GABRB1: variants seen among roughly 807,000 people sequenced by gnomAD.
The protein encoded by GABRB1 is gamma-aminobutyric acid type A receptor subunit beta1, also known as gamma-aminobutyric acid receptor subunit beta-1.
A neutral mutation model predicts 51.6 loss-of-function variants in GABRB1; 17 were observed. The ratio of observed to expected loss-of-function variants is 0.33; its 90% CI spans 0.23 to 0.49. GABRB1 has a LOEUF of 0.49. GABRB1 is among the 20% of genes least tolerant of loss of function. The pLI is 0.99. For synonymous variants in GABRB1, 247 were observed against 218.9 expected, an observed-to-expected ratio of 1.13 and a Z score of -1.14; for missense variants, 410 against 600.6, an observed-to-expected ratio of 0.68 and a Z score of 3.32.
chr4:47,199,911 A>G (rs1422791435), intron 4 of GABRB1, among the ~76,000 whole-genome samples: 1 of 152,178 alleles, frequency 6.6e-6, no homozygotes, highest in African/African-American at 2.4e-5. Context: ...CATGAATTTC[A>G]AGTGAATCAA....
chr4:47,422,837 G>T (rs541435974), intron 8 of GABRB1, among the ~76,000 whole-genome samples: 1 of 152,070 alleles, frequency 6.6e-6, no homozygotes, highest in African/African-American at 2.4e-5. Flanking sequence ...CCATTTCGCC[G>T]ATGACAATAT....
intron 5 of GABRB1, among the ~76,000 whole-genome samples, chr4:47,394,576 G>A (rs941417999): frequency 1.3e-5 from 2 of 152,160 alleles, no homozygotes; most frequent in African/African-American, 4.8e-5. Context: ...AGTCAGACAA[G>A]AAGACAGCTT....
rs570561481 is a variant in GABRB1 at position 47,333,973 on chromosome 4, C to CA, written c.544+13771dup. Among the ~76,000 whole-genome samples the CA allele has an allele frequency of 4.2e-3, 635 of 152,172 alleles. 2 individuals carry two copies. The highest frequency in any genetic ancestry group is 6.5e-3 in the Non-Finnish European group (439 of 67,992). On this transcript the variant is annotated intron_variant, in intron 5 of 8. Transcript: ENST00000295454. ...AGATTATGTGTACCTACAATGTAGA[C>CA]AAAAAAATTTCACTGAATAGAGCCA...
At chr4:47,020,348 C>T (rs186716769) in intron 1 of GABRB1, among the ~76,000 whole-genome samples, 67 of 152,210 alleles carry the variant, frequency 4.4e-4, no homozygotes, top group Admixed American at 1.1e-3. Context: ...TCAATTCATA[C>T]GAATAGTATC....
intron 5 of GABRB1, among the ~76,000 whole-genome samples, chr4:47,362,139 G>A (rs776953546): frequency 6.6e-6 from 1 of 152,132 alleles, no homozygotes; most frequent in South Asian, 2.1e-4. Context: ...GAAGCCACTG[G>A]AGGAAAGTTA....
intron 5 of GABRB1, among the ~76,000 whole-genome samples, chr4:47,366,975 G>A (rs558329410): frequency 1.7e-4 from 26 of 152,250 alleles, no homozygotes; most frequent in African/African-American, 6.3e-4. Context: ...GGGTACCAAA[G>A]TAGTGTGACA....
intron 4 of GABRB1, among the ~76,000 whole-genome samples, chr4:47,212,540 A>T (rs1027943493): frequency 6.6e-6 from 1 of 152,082 alleles, no homozygotes; most frequent in Admixed American, 6.6e-5. Flanking sequence ...GTTTGCAGGC[A>T]TGGTGGCATG....
intron 3 of GABRB1, among the ~76,000 whole-genome samples, chr4:47,114,903 G>A (rs761355775): frequency 8.5e-5 from 13 of 152,076 alleles, no homozygotes; most frequent in Non-Finnish European, 1.5e-4. Context: ...ACTTAAAACT[G>A]TCTCCAGCTT....
At chr4:47,251,668 T>C (rs1578035582) in intron 4 of GABRB1, among the ~76,000 whole-genome samples, 1 of 152,046 alleles carries the variant, frequency 6.6e-6, no homozygotes, top group South Asian at 2.1e-4. Context: ...CCAAGAGAAA[T>C]ACAGGGGTAC....
chr4:47,350,742 C>T (rs1034540462), intron 5 of GABRB1, among the ~76,000 whole-genome samples: 11 of 152,014 alleles, frequency 7.2e-5, no homozygotes, highest in African/African-American at 2.7e-4. Context: ...ATGTAGAGTG[C>T]TATAAACCCT....
chr4:47,062,818 C>T (rs1726897649), intron 3 of GABRB1, among the ~76,000 whole-genome samples: 1 of 152,098 alleles, frequency 6.6e-6, no homozygotes, highest in Non-Finnish European at 1.5e-5. Context: ...CTCTCACTTC[C>T]AATTCATCAA....
At chr4:47,167,189 T>C (rs1718226773) in intron 4 of GABRB1, among the ~76,000 whole-genome samples, 1 of 152,130 alleles carries the variant, frequency 6.6e-6, no homozygotes, top group Admixed American at 6.6e-5. Flanking sequence ...ATTTTCTATA[T>C]CTACATGATG....
intron 4 of GABRB1, among the ~76,000 whole-genome samples, chr4:47,179,367 G>T (rs1253142728): frequency 2.6e-5 from 4 of 152,092 alleles, no homozygotes; most frequent in Non-Finnish European, 5.9e-5. Flanking sequence ...GTGGAAGACA[G>T]TGTGGCGATT....
intron 3 of GABRB1, among the ~76,000 whole-genome samples, chr4:47,147,348 C>T (rs865971752): frequency 3.9e-5 from 6 of 152,148 alleles, no homozygotes; most frequent in Middle Eastern, 3.4e-3. Flanking sequence ...TTCATTCAGA[C>T]TAATAGAGTG....
At chr4:47,054,155 T>A (rs897663439) in intron 3 of GABRB1, among the ~76,000 whole-genome samples, 1 of 152,224 alleles carries the variant, frequency 6.6e-6, no homozygotes, top group Non-Finnish European at 1.5e-5. Context: ...TACCAAGTTT[T>A]TTTTTTCTGT....
intron 5 of GABRB1, among the ~76,000 whole-genome samples, chr4:47,344,570 C>T (rs1275317452): frequency 2.0e-5 from 3 of 152,074 alleles, no homozygotes; most frequent in Admixed American, 1.3e-4. Flanking sequence ...TACATGACCA[C>T]CTATTGCATT....
intron 3 of GABRB1, among the ~76,000 whole-genome samples, chr4:47,156,077 G>A (rs1457339132): frequency 6.6e-6 from 1 of 151,098 alleles, no homozygotes; most frequent in East Asian, 1.9e-4. Flanking sequence ...CATTTCTTTT[G>A]GCATGTACCC....
At chr4:47,347,681 T>C (rs1409299782) in intron 5 of GABRB1, among the ~76,000 whole-genome samples, 2 of 152,162 alleles carry the variant, frequency 1.3e-5, no homozygotes, top group African/African-American at 4.8e-5. Flanking sequence ...AATATATATA[T>C]TTTTAGAGTC....
chr4:47,361,259 G>T (rs766178469), intron 5 of GABRB1, among the ~76,000 whole-genome samples: 1 of 152,088 alleles, frequency 6.6e-6, no homozygotes, highest in Non-Finnish European at 1.5e-5. Flanking sequence ...ATTTCTTCTG[G>T]GGACTTAAGG....
Sources: allele counts gnomAD v4.1 joint callset (sites outside exome capture counted in the v4.1 genomes callset), GRCh38; gene constraint gnomAD v4.1.1; transcripts MANE v1.5; gene names NCBI Gene and HGNC (gene_info 2026-07-23, HGNC 2026-07-21).